The following SPAG1 variants were observed in gnomAD, a reference collection of about 807,000 sequenced individuals.
SPAG1 encodes the protein sperm associated antigen 1.
A neutral mutation model predicts 100.5 loss-of-function variants in SPAG1; 69 were observed. That is an observed-to-expected ratio of 0.69 (90% CI 0.57 to 0.84). SPAG1 has a LOEUF of 0.84. Among genes scored for constraint, SPAG1 ranks in the 40% least tolerant of loss-of-function variants. The pLI is 0.00. For missense variants in SPAG1, 955 were observed against 1,133.1 expected, an observed-to-expected ratio of 0.84 and a Z score of 2.26; for synonymous variants, 336 against 411.6, an observed-to-expected ratio of 0.82 and a Z score of 2.22.
Position 100,240,490 on chromosome 8 carries a change from A to C in SPAG1, c.2368A>C (p.Arg790=). 1 of 1,614,188 alleles carries C rather than the reference A, an allele frequency of 6.2e-7. No individual in the cohort carries two copies. The highest frequency in any genetic ancestry group is 8.5e-7 in the Non-Finnish European group (1 of 1,180,016). ...TTCTGAGAAGGGAGGCAAAAGCAGC[A>C]GGTCACCAGAAGACCCTGAGAAACT... ...LASEKGGKSS[R]SPEDPEKLPI... is the part of the protein sequence containing the mutation. Residue 790 remains arginine (R), a synonymous_variant, in exon 18 of 19, where the codon AGG becomes CGG. Transcript: ENST00000388798.
intron 13 of SPAG1, among the ~76,000 whole-genome samples, chr8:100,221,084 A>T (rs1282719641): frequency 3.9e-5 from 6 of 152,248 alleles, no homozygotes; most frequent in Non-Finnish European, 7.4e-5. Context: ...AAAAAAAAAA[A>T]TTAAAATAAA....
intron 12 of SPAG1, among the ~76,000 whole-genome samples, chr8:100,219,998 G>A (rs1818188237): frequency 6.6e-6 from 1 of 152,214 alleles, no homozygotes; most frequent in Non-Finnish European, 1.5e-5. Flanking sequence ...ATGCTGCTCT[G>A]TTAGGGGACT....
chr8:100,206,052 A>T lies in SPAG1; in HGVS notation c.1097-7038A>T, dbSNP rs7462501. Among the ~76,000 whole-genome samples the T allele has an allele frequency of 1.6e-4, 21 of 132,738 alleles. No homozygotes were observed. In the East Asian group the frequency reaches 3.6e-3, roughly 23 times the overall value. The allele number at this position is 132,738 out of a possible 152,430, so 87.1% of individuals were successfully genotyped here. A position where few individuals can be genotyped will look rare whatever the true frequency, so the allele number is the denominator to read the frequency against. ...AAAAAAAAAAAAAAAAAAAAAAAAA[A>T]AAAGAAAGATGCAGGGGTGGTGAGT... On this transcript the variant is annotated intron_variant, in intron 10 of 18. Transcript: ENST00000388798.
At chr8:100,220,138 TG>T in intron 12 of SPAG1, 140 bp from the exon 13 acceptor site, 1 of 640,756 alleles carries the variant, frequency 1.6e-6, no homozygotes, top group Non-Finnish European at 2.6e-6. Flanking sequence ...TTTGCCTTTC[TG>T]GCATGTTGCC....
intron 15 of SPAG1, 125 bp from the exon 16 acceptor site, chr8:100,233,286 A>G (rs1001251922): frequency 2.7e-5 from 28 of 1,047,004 alleles, no homozygotes; most frequent in South Asian, 2.2e-4. Context: ...TTAAGTTTCA[A>G]TGGAAACCGC....
rs1054502421 is a variant in SPAG1, at chr8:100,240,969, A to T, written c.2728A>T (p.Asn910Tyr). 3.1e-6 allele frequency: 5 copies of T among 1,613,632 alleles called. No homozygotes were observed. The highest frequency in any genetic ancestry group is 3.4e-6 in the Non-Finnish European group (4 of 1,179,860). Residue 910 changes from asparagine (N) to tyrosine (Y), a missense_variant, in exon 19 of 19, where the codon AAC becomes TAC. Coordinates refer to ENST00000388798, the MANE Select transcript of SPAG1 (RefSeq NM_003114.5). ...TGAGGACCTTTCGGACACACCAAAC[A>T]ACCATTTTACTTTAGAAGATATACA... ...LFEDLSDTPN[N>Y]HFTLEDIQAL...
intron 16 of SPAG1, among the ~76,000 whole-genome samples, chr8:100,235,505 A>T (rs944001158): frequency 6.6e-6 from 1 of 152,118 alleles, no homozygotes; most frequent in Non-Finnish European, 1.5e-5. Context: ...TAGTGGTGTG[A>T]TAATGGGGAG....
chr8:100,210,577 A>G (rs975006042), intron 10 of SPAG1, among the ~76,000 whole-genome samples: 2 of 152,038 alleles, frequency 1.3e-5, no homozygotes, highest in Admixed American at 1.3e-4. Context: ...TCTCATTTCT[A>G]GGCATTTCTG....
chr8:100,194,965 G>A (rs1459511416), intron 10 of SPAG1, among the ~76,000 whole-genome samples: 1 of 151,996 alleles, frequency 6.6e-6, no homozygotes, highest in Non-Finnish European at 1.5e-5. Context: ...AGGAGTTCAA[G>A]ACCAGCCTGG....
At chr8:100,205,001 A>C (rs1817446804) in intron 10 of SPAG1, among the ~76,000 whole-genome samples, 1 of 152,196 alleles carries the variant, frequency 6.6e-6, no homozygotes, top group Non-Finnish European at 1.5e-5. Context: ...GGCATTGGCT[A>C]ATTAATCACG....
chr8:100,204,123 T>C (rs968367924), intron 10 of SPAG1, among the ~76,000 whole-genome samples: 4 of 152,186 alleles, frequency 2.6e-5, no homozygotes, highest in African/African-American at 9.7e-5. Context: ...CACCTTTGTC[T>C]GAGGAGATAA....
chr8:100,177,666 A>C lies in SPAG1; in HGVS notation c.301-150A>C, dbSNP rs1215227186. On this transcript the variant is annotated intron_variant, in intron 3 of 18. Transcript: ENST00000388798. The stretch of plus-strand genomic sequence containing the variant: ...TTTCAAATCGTCACAAATCTCCAAA[A>C]ATTTTTCCAATATTTTTACTGAAAA... 6 of 420,320 alleles carry C rather than the reference A, an allele frequency of 1.4e-5. No individual in the cohort carries two copies. The Admixed American group carries it at 2.1e-4, about 15-fold the overall frequency. The allele number at this position is 420,320 out of a possible 1,614,324, so 26.0% of individuals were successfully genotyped here. A position where few individuals can be genotyped will look rare whatever the true frequency, so the allele number is the denominator to read the frequency against.
At chr8:100,196,918 CT>C (rs1361903268) in intron 10 of SPAG1, among the ~76,000 whole-genome samples, 1 of 151,660 alleles carries the variant, frequency 6.6e-6, no homozygotes, top group African/African-American at 2.4e-5. Flanking sequence ...TCATTTGCTT[CT>C]CTTTTTCTTT....
chr8:100,233,390 A>AGTTCCATT, intron 15 of SPAG1, 21 bp from the exon 16 acceptor site: 1 of 1,612,440 alleles, frequency 6.2e-7, no homozygotes, highest in East Asian at 2.2e-5. Flanking sequence ...CATAATACTG[A>AGTTCCATT]GTTCCATTGC....
chr8:100,227,367 T>C (rs1186810950), intron 14 of SPAG1, among the ~76,000 whole-genome samples: 1 of 152,164 alleles, frequency 6.6e-6, no homozygotes, highest in Non-Finnish European at 1.5e-5. Flanking sequence ...TCCATATGTG[T>C]CCCCAGGCTG....
chr8:100,211,307 A>G (rs1405232657), intron 10 of SPAG1, among the ~76,000 whole-genome samples: 1 of 152,136 alleles, frequency 6.6e-6, no homozygotes, highest in Non-Finnish European at 1.5e-5. Context: ...AGAGACTATC[A>G]AAGTTGTTCA....
intron 8 of SPAG1, among the ~76,000 whole-genome samples, chr8:100,190,072 AG>A (rs1816749095): frequency 6.6e-6 from 1 of 152,072 alleles, no homozygotes; most frequent in Non-Finnish European, 1.5e-5. Context: ...GCACTTTGGG[AG>A]GTTGGGGCAG....
At position 100,239,409 on chromosome 8, in the gene SPAG1, T is replaced by C. The variant is rs1400206480; in HGVS notation, c.2280+5T>C. 3.8e-6 allele frequency: 6 copies of C among 1,562,972 alleles called. No individual in the cohort carries two copies. Among genetic ancestry groups the C allele is most frequent in the Non-Finnish European group, 5.3e-6 (6 of 1,133,834 alleles). On this transcript the variant is annotated splice_donor_5th_base_variant and intron_variant, in intron 17 of 18. Transcript: ENST00000388798. This position sits in a 1 kb window ranked among gnomAD's most constrained non-coding sequence, Gnocchi z 5.0. ...AGGAAAATTGAGATTCAAGAGGTAT[T>C]TGTATTTGATTATCTTTGAAAGTAC...
intron 15 of SPAG1, among the ~76,000 whole-genome samples, chr8:100,231,565 T>A (rs985221521): frequency 2.0e-5 from 3 of 152,200 alleles, no homozygotes; most frequent in Non-Finnish European, 4.4e-5. Flanking sequence ...CTTTGGCTTG[T>A]GCAACTCTGA....
Sources: gnomAD v4.1 joint callset for allele counts (sites outside exome capture counted in the v4.1 genomes callset) on GRCh38, gnomAD v4.1.1 for gene constraint, Gnocchi (gnomAD v3.1) non-coding constraint, MANE v1.5 for transcripts, NCBI Gene and HGNC (gene_info 2026-07-23, HGNC 2026-07-21) for gene names.